The following RIMS2 variants were observed in gnomAD, a reference collection of about 807,000 sequenced individuals.
The protein encoded by RIMS2 is regulating synaptic membrane exocytosis 2, also known as regulating synaptic membrane exocytosis protein 2.
Under a neutral mutation model 174.4 loss-of-function variants are expected in RIMS2, and 59 were observed. The observed-to-expected ratio is 0.34, with a 90% CI of 0.27 to 0.42. The LOEUF is 0.42. Ranked by LOEUF, RIMS2 falls within the 10% of genes least tolerant of loss-of-function variation. RIMS2 has a pLI of 1.00. For missense variants in RIMS2, 1,620 were observed against 1,666.3 expected (o/e 0.97, Z 0.48); for synonymous variants, 606 against 572.5 (o/e 1.06, Z -0.84).
chr8:103,565,208 G>T (rs767870903), intron 1 of RIMS2, among the ~76,000 whole-genome samples: 3 of 152,196 alleles, frequency 2.0e-5, no homozygotes, highest in Non-Finnish European at 4.4e-5. Flanking sequence ...TATAAAAGCT[G>T]CCGTACAGCA....
intron 1 of RIMS2, among the ~76,000 whole-genome samples, chr8:103,554,308 A>C (rs1849443242): frequency 6.6e-6 from 1 of 152,236 alleles, no homozygotes; most frequent in Non-Finnish European, 1.5e-5. Context: ...AAGGTCTACT[A>C]TCCAGCATCT....
chr8:103,594,596 A>G (rs535398914), intron 1 of RIMS2, among the ~76,000 whole-genome samples: 10 of 151,830 alleles, frequency 6.6e-5, no homozygotes, highest in Non-Finnish European at 1.5e-4. Context: ...GCAATTTTAT[A>G]CAACACGTAA....
intron 1 of RIMS2, among the ~76,000 whole-genome samples, chr8:103,627,627 GTTC>G (rs1564078128): frequency 1.3e-5 from 2 of 152,186 alleles, no homozygotes. Context: ...CACAATTTAT[GTTC>G]TTCTGCCTCG....
At chr8:104,142,146 G>A (rs985896673) in intron 19 of RIMS2, among the ~76,000 whole-genome samples, 3 of 126,968 alleles carry the variant, frequency 2.4e-5, no homozygotes, top group Non-Finnish European at 3.2e-5. Context: ...TTCTTTTTGC[G>A]ACAGAGTTTC....
intron 19 of RIMS2, among the ~76,000 whole-genome samples, chr8:104,016,521 C>G (rs2095911318): frequency 6.6e-6 from 1 of 151,924 alleles, no homozygotes; most frequent in African/African-American, 2.4e-5. Flanking sequence ...GACTGATGGT[C>G]TGTTATGCTG....
At chr8:103,599,001 C>T (rs947780103) in intron 1 of RIMS2, among the ~76,000 whole-genome samples, 26 of 152,102 alleles carry the variant, frequency 1.7e-4, no homozygotes, top group African/African-American at 5.5e-4. Context: ...TCTACTCCTA[C>T]TGCCCTCAAC....
intron 15 of RIMS2, among the ~76,000 whole-genome samples, chr8:103,961,358 C>G (rs576481893): frequency 3.7e-4 from 57 of 152,080 alleles, no homozygotes; most frequent in African/African-American, 1.4e-3. Context: ...ACGTAGATGT[C>G]AATAAATTTT....
intron 3 of RIMS2, chr8:103,768,374 A>G (rs1288919034): frequency 2.0e-5 from 15 of 735,376 alleles, no homozygotes; most frequent in Admixed American, 5.3e-5. Context: ...TGAGAAGCAT[A>G]TGGCCACAGA....
intron 19 of RIMS2, among the ~76,000 whole-genome samples, chr8:104,094,260 A>G (rs2097714556): frequency 6.6e-6 from 1 of 152,074 alleles, no homozygotes; most frequent in Non-Finnish European, 1.5e-5. Context: ...ATTTTGTAAA[A>G]GGAAAATATG....
intron 19 of RIMS2, among the ~76,000 whole-genome samples, chr8:104,090,141 T>G (rs1168173676): frequency 6.6e-6 from 1 of 151,652 alleles, no homozygotes; most frequent in Non-Finnish European, 1.5e-5. Context: ...CTATCTCTTG[T>G]CATAGGGCTG....
At position 103,929,680 on chromosome 8, in the gene RIMS2, A is replaced by G. The variant is rs2029933; in HGVS notation, c.2245-1583A>G. ...CATTTAGAACCATGATACTATCTATAACACCTCTTTGATCTCATATACAAT... is the reference window on the plus strand; with the variant it reads ...CATTTAGAACCATGATACTATCTATGACACCTCTTTGATCTCATATACAAT... On this transcript the variant is annotated intron_variant, in intron 11 of 23. Coordinates refer to ENST00000504942, the Ensembl canonical transcript of RIMS2. Among the ~76,000 whole-genome samples the G allele has an allele frequency of 5.6e-3, 853 of 152,052 alleles. 3 individuals carry two copies. Among genetic ancestry groups the G allele is most frequent in the Admixed American group, 1.0e-2 (152 of 15,236 alleles).
Position 104,191,777 on chromosome 8 carries a change from A to G in RIMS2, c.3335-53139A>G, listed in dbSNP as rs2441900. On this transcript the variant is annotated intron_variant, in intron 19 of 23. Coordinates refer to ENST00000504942, the Ensembl canonical transcript of RIMS2. ...AAATTCTTTTATTATTATTATTACT[A>G]TATTAATTTTTAAGACGGGGTCTCA... is the stretch of plus-strand genomic sequence containing the variant. 1.9e-3 allele frequency among the ~76,000 whole-genome samples: 286 copies of G among 151,950 alleles called. 2 individuals are homozygous for G. The highest frequency in any genetic ancestry group is 6.3e-3 in the African/African-American group (263 of 41,438).
At position 103,717,337 on chromosome 8, in the gene RIMS2, T is replaced by G. The variant is rs1215584246; in HGVS notation, c.387+20041T>G. 2.7e-5 allele frequency among the ~76,000 whole-genome samples: 4 copies of G among 150,428 alleles called. No individual in the cohort carries two copies. The East Asian group carries it at 7.8e-4, about 29-fold the overall frequency. The stretch of plus-strand genomic sequence containing the variant: ...AAAAAAAAAAAACCTGTAGGAATCC[T>G]CCCAAATTTTAGATGCAGTTTTGAA... On this transcript the variant is annotated intron_variant, in intron 2 of 23. Coordinates refer to ENST00000504942, the Ensembl canonical transcript of RIMS2.
chr8:103,617,076 A>G (rs2095521715), intron 1 of RIMS2, among the ~76,000 whole-genome samples: 1 of 152,200 alleles, frequency 6.6e-6, no homozygotes, highest in African/African-American at 2.4e-5. Flanking sequence ...TCCTGAGTAA[A>G]AAGAACAAAG....
chr8:103,815,634 G>T (rs1208690871), intron 3 of RIMS2, among the ~76,000 whole-genome samples: 2 of 152,098 alleles, frequency 1.3e-5, no homozygotes, highest in Non-Finnish European at 2.9e-5. Context: ...TTCTGGAAAA[G>T]GATAATCATA....
At chr8:103,727,442 C>G (rs895277963) in intron 2 of RIMS2, among the ~76,000 whole-genome samples, 8 of 151,918 alleles carry the variant, frequency 5.3e-5, no homozygotes, top group Admixed American at 3.3e-4. Flanking sequence ...TTATTCTTTC[C>G]TTTGAAGTGC....
intron 19 of RIMS2, 42 bp from the exon 22 acceptor site, chr8:104,041,284 T>C: frequency 3.1e-6 from 2 of 645,860 alleles, no homozygotes; most frequent in Middle Eastern, 2.4e-4. Context: ...CTCACTCCCA[T>C]CTCCTTTGTC....
chr8:103,627,696 A>G (rs1171163003), intron 1 of RIMS2, among the ~76,000 whole-genome samples: 2 of 152,218 alleles, frequency 1.3e-5, no homozygotes. Flanking sequence ...GATGTCCTTT[A>G]AGAGTTCATC....
chr8:103,662,307 A>G (rs1333995611), intron 1 of RIMS2, among the ~76,000 whole-genome samples: 1 of 152,204 alleles, frequency 6.6e-6, no homozygotes, highest in Non-Finnish European at 1.5e-5. Context: ...ACTGTGCATC[A>G]TATAGTAGTA....
Sources: gnomAD v4.1 joint callset for allele counts (sites outside exome capture counted in the v4.1 genomes callset) on GRCh38, gnomAD v4.1.1 for gene constraint, MANE v1.5 for transcripts, NCBI Gene and HGNC (gene_info 2026-07-23, HGNC 2026-07-21) for gene names.